The following D2HGDH variants were observed in gnomAD, a reference collection of about 807,000 sequenced individuals.
The protein encoded by D2HGDH is D-2-hydroxyglutarate dehydrogenase, mitochondrial.
D2HGDH carries 31 observed loss-of-function variants against 46.9 expected under a neutral mutation model. The ratio of observed to expected loss-of-function variants is 0.66; its 90% CI spans 0.50 to 0.89. The LOEUF is 0.89. Ranked by LOEUF, D2HGDH falls within the 40% of genes least tolerant of loss-of-function variation. D2HGDH has a pLI of 0.00. For synonymous variants in D2HGDH, 364 were observed against 332.6 expected (o/e 1.09, Z -1.03); for missense variants, 698 against 720.8 (o/e 0.97, Z 0.36).
At chr2:241,754,793 G>A (rs1198277311) in intron 8 of D2HGDH, 3 of 274,352 alleles carry the variant, frequency 1.1e-5, no homozygotes, top group Non-Finnish European at 2.1e-5. Context: ...TTAAGAGACG[G>A]GGTCTCCCTG....
chr2:241,754,907 G>T (rs1009378206), intron 8 of D2HGDH: 56 of 919,862 alleles, frequency 6.1e-5, no homozygotes, highest in Non-Finnish European at 7.6e-5. Flanking sequence ...CCGGCCAAGT[G>T]TTTCTCTTAG....
At chr2:241,735,638 G>GCC in intron 2 of D2HGDH, 122 bp downstream of exon 2, 1 of 1,375,420 alleles carries the variant, frequency 7.3e-7, no homozygotes, top group Non-Finnish European at 1.0e-6. Context: ...GCTGCGCTGA[G>GCC]AGGGGCGTGT....
In D2HGDH at chr2:241,767,710, G is replaced by C. The variant is rs768061160; in HGVS notation, c.1307G>C (p.Gly436Ala). The change falls in exon 10 of 10, where the codon GGA (glycine) becomes GCA (alanine). Residue 436 changes from glycine (G) to alanine (A), a missense_variant and splice_region_variant. Coordinates refer to ENST00000321264, the MANE Select transcript of D2HGDH (RefSeq NM_152783.5). ...GACCCATGTGCCCTTGTCCCTCCAG[G>C]AGATGGTAACCTGCACCTCAATGTG... ...AKHVVGYGHL[G>A]DGNLHLNVTA... 1.9e-6 allele frequency: 3 copies of C among 1,612,820 alleles called. No homozygotes were observed. The highest frequency in any genetic ancestry group is 2.2e-5 in the South Asian group (2 of 91,072).
Position 241,742,686 on chromosome 2 carries a change from C to A in D2HGDH, c.490+112C>A. The stretch of plus-strand genomic sequence containing the variant: ...CTTGGGTGGGTGAATGAGTTAGGGC[C>A]GGCGCTGGGGAAAGAACCAGCGTCT... On this transcript the variant is annotated intron_variant, in intron 4 of 9. Transcript: ENST00000321264. This position sits in a 1 kb window ranked among gnomAD's most constrained non-coding sequence, Gnocchi z 4.8. The A allele has an allele frequency of 7.2e-7, 1 of 1,398,596 alleles. No individual in the cohort carries two copies. The highest frequency in any genetic ancestry group is 1.0e-6 in the Non-Finnish European group (1 of 991,368). The allele number at this position is 1,398,596 out of a possible 1,614,324, so 86.6% of individuals were successfully genotyped here.
intron 6 of D2HGDH, chr2:241,749,774 T>C: frequency 2.8e-6 from 1 of 355,986 alleles, no homozygotes; most frequent in African/African-American, 2.1e-5. Flanking sequence ...CACCTGTCCC[T>C]CCTGATCTGA....
At chr2:241,748,182 C>T (rs911898566) in intron 6 of D2HGDH, among the ~76,000 whole-genome samples, 1 of 152,158 alleles carries the variant, frequency 6.6e-6, no homozygotes, top group East Asian at 1.9e-4. Context: ...AGTGCAGTGG[C>T]ACAATCTTGG....
At chr2:241,754,306 C>T (rs1575306178) in intron 8 of D2HGDH, among the ~76,000 whole-genome samples, 1 of 152,300 alleles carries the variant, frequency 6.6e-6, no homozygotes, top group Non-Finnish European at 1.5e-5. Flanking sequence ...TTGCTCAGGG[C>T]AGGGCGTGAC....
At chr2:241,758,929 G>C (rs990189626) in intron 9 of D2HGDH, among the ~76,000 whole-genome samples, 1 of 152,128 alleles carries the variant, frequency 6.6e-6, no homozygotes, top group Non-Finnish European at 1.5e-5. Context: ...GTGAGGTACT[G>C]TGCCTGGCAT....
chr2:241,756,629 C>T (rs1698212394), intron 9 of D2HGDH, among the ~76,000 whole-genome samples: 1 of 152,236 alleles, frequency 6.6e-6, no homozygotes, highest in South Asian at 2.1e-4. Context: ...TCAAGCAATT[C>T]TCCTGCCCCA....
intron 9 of D2HGDH, among the ~76,000 whole-genome samples, chr2:241,760,070 C>T (rs1698613944): frequency 7.0e-6 from 1 of 142,644 alleles, no homozygotes; most frequent in East Asian, 2.1e-4. Context: ...CTTACCCAGT[C>T]GAAGGCCTTC....
intron 9 of D2HGDH, among the ~76,000 whole-genome samples, chr2:241,760,065 C>CCAGT (rs1698613231): frequency 2.3e-5 from 2 of 86,252 alleles, no homozygotes; most frequent in Non-Finnish European, 4.9e-5. Context: ...TGGGCCTTAC[C>CCAGT]CAGTCGAAGG....
intron 8 of D2HGDH, among the ~76,000 whole-genome samples, chr2:241,754,355 G>A (rs1159681649): frequency 6.6e-6 from 1 of 152,152 alleles, no homozygotes; most frequent in African/African-American, 2.4e-5. Flanking sequence ...CTAGAAGTTT[G>A]TAAAAGGGGC....
At position 241,767,762 on chromosome 2, in the gene D2HGDH, C is replaced by T; in HGVS notation, c.1359C>T (p.Leu453=). The T allele has an allele frequency of 1.2e-6, 2 of 1,612,612 alleles. No individual in the cohort carries two copies. The highest frequency in any genetic ancestry group is 1.7e-6 in the Non-Finnish European group (2 of 1,179,594). ...NVTAEAFSPS[L]LAALEPHVYE... is the part of the protein sequence containing the mutation. ...CGGCGGAGGCCTTCAGCCCCTCGCTCCTGGCTGCCCTGGAGCCCCACGTGT... is the reference window on the plus strand; with the variant it reads ...CGGCGGAGGCCTTCAGCCCCTCGCTTCTGGCTGCCCTGGAGCCCCACGTGT... The change falls in exon 10 of 10, where the codon CTC becomes CTT. Residue 453 remains leucine (L), a synonymous_variant. Coordinates refer to ENST00000321264, the MANE Select transcript of D2HGDH (RefSeq NM_152783.5).
chr2:241,745,997 A>C (rs1695772396), intron 6 of D2HGDH, among the ~76,000 whole-genome samples: 1 of 151,932 alleles, frequency 6.6e-6, no homozygotes, highest in Non-Finnish European at 1.5e-5. Flanking sequence ...ATTCTTTCTG[A>C]TCTTCTAAAG....
rs768906916 is a variant in D2HGDH at position 241,736,670 on chromosome 2, C to CTT, written c.292+1154_292+1155insTT. On this transcript the variant is annotated intron_variant, in intron 2 of 9. Coordinates refer to ENST00000321264, the MANE Select transcript of D2HGDH (RefSeq NM_152783.5). ...ATTACATCTGCAAAGACCGTTTATCCGTTTTTTTTTTTTTTGGAGATGAAG... is the reference window on the plus strand; with the variant it reads ...ATTACATCTGCAAAGACCGTTTATCCTTGTTTTTTTTTTTTTTGGAGATGAAG... Among the ~76,000 whole-genome samples, 700 of 147,392 alleles carry CTT rather than the reference C, an allele frequency of 4.7e-3. 9 individuals are homozygous for CTT. The highest frequency in any genetic ancestry group is 5.8e-3 in the Admixed American group (86 of 14,864).
In D2HGDH at chr2:241,735,337, C is replaced by T. The variant is rs1559335079; in HGVS notation, c.113C>T (p.Ser38Phe). The change falls in exon 2 of 10, where the codon TCC becomes TTC. Residue 38 changes from serine (S) to phenylalanine (F), a missense_variant. Physicochemically the swap from Ser to Phe is radical, Grantham distance 155. Transcript: ENST00000321264. ...CCCCTGGCCCGCAGAGGCTGCTGCT[C>T]CGCCCCGGGGACCCCCGAGGTGCCG... ...VGPLARRGCC[S>F]APGTPEVPLT... is the part of the protein sequence containing the mutation. 6.5e-7 allele frequency: 1 copy of T among 1,549,772 alleles called. No homozygotes were observed. The highest frequency in any genetic ancestry group is 8.7e-7 in the Non-Finnish European group (1 of 1,152,150).
At chr2:241,754,642 C>T (rs1697883218) in intron 8 of D2HGDH, 1 of 161,572 alleles carries the variant, frequency 6.2e-6, no homozygotes, top group Non-Finnish European at 1.3e-5. Context: ...GTCTCGCTCT[C>T]ACCCAGGCTG....
chr2:241,750,091 G>C, intron 6 of D2HGDH, 60 bp from the exon 7 acceptor site: 1 of 1,612,404 alleles, frequency 6.2e-7, no homozygotes. Flanking sequence ...CTTTGAAGGG[G>C]GACTTGGGTG....
intron 8 of D2HGDH, among the ~76,000 whole-genome samples, chr2:241,751,935 C>T (rs1386105631): frequency 2.7e-4 from 41 of 150,032 alleles, no homozygotes; most frequent in African/African-American, 9.7e-4. Flanking sequence ...AGGGGGAGCC[C>T]TCGGTCACCG....
Sources: allele counts gnomAD v4.1 joint callset (sites outside exome capture counted in the v4.1 genomes callset), GRCh38; gene constraint gnomAD v4.1.1; non-coding constraint Gnocchi (gnomAD v3.1); transcripts MANE v1.5; gene names NCBI Gene and HGNC (gene_info 2026-07-23, HGNC 2026-07-21).